The following CDH18 variants were observed in gnomAD, a reference collection of about 807,000 sequenced individuals.
CDH18 encodes the protein cadherin 18.
Under a neutral mutation model 67.9 loss-of-function variants are expected in CDH18, and 31 were observed. That is an observed-to-expected ratio of 0.46 (90% CI 0.34 to 0.62). The LOEUF (loss-of-function observed/expected upper bound fraction) is 0.62, where lower values mean the gene tolerates loss of function less well. CDH18 is among the 20% of genes least tolerant of loss of function. The pLI is 0.01. For missense variants in CDH18, 890 were observed against 975.5 expected (o/e 0.91, Z 1.17); for synonymous variants, 362 against 347.2 (o/e 1.04, Z -0.48).
intron 1 of CDH18, among the ~76,000 whole-genome samples, chr5:20,549,304 G>A (rs1162423440): frequency 6.6e-6 from 1 of 152,000 alleles, no homozygotes; most frequent in Admixed American, 6.6e-5. Context: ...CTTTCATATT[G>A]ACACATTCTA....
chr5:19,816,102 G>T (rs1779259671), intron 3 of CDH18, among the ~76,000 whole-genome samples: 1 of 151,778 alleles, frequency 6.6e-6, no homozygotes, highest in Non-Finnish European at 1.5e-5. Flanking sequence ...TTTTATTAAT[G>T]AACTATTTTT....
chr5:20,064,466 GT>G (rs777357508), intron 2 of CDH18, among the ~76,000 whole-genome samples: 76 of 152,076 alleles, frequency 5.0e-4, no homozygotes, highest in Non-Finnish European at 8.1e-4. Context: ...GTGGAATGAT[GT>G]GTTTCAACAA....
intron 2 of CDH18, among the ~76,000 whole-genome samples, chr5:19,915,246 T>C (rs1340155475): frequency 6.6e-6 from 1 of 152,162 alleles, no homozygotes; most frequent in African/African-American, 2.4e-5. Flanking sequence ...GTTTCTCAGT[T>C]GTCTTTCTTT....
chr5:19,843,422 A>T (rs1222370514), intron 2 of CDH18, among the ~76,000 whole-genome samples: 1 of 152,204 alleles, frequency 6.6e-6, no homozygotes, highest in Non-Finnish European at 1.5e-5. Context: ...GGGTGCACAG[A>T]AGTGAAGAAT....
At chr5:20,181,196 C>T (rs1019223958) in intron 2 of CDH18, among the ~76,000 whole-genome samples, 4 of 152,124 alleles carry the variant, frequency 2.6e-5, no homozygotes, top group African/African-American at 9.7e-5. Context: ...AGTATTCATA[C>T]ATTTCAGTTG....
At chr5:19,949,972 GAT>G (rs58811876) in intron 2 of CDH18, among the ~76,000 whole-genome samples, 85,320 of 148,634 alleles carry the variant, frequency 0.57, 24,576 homozygotes, top group Middle Eastern at 0.72. Context: ...AAGAAAATAT[GAT>G]ATATATATAT....
chr5:19,840,769 A>G (rs1782223647), intron 2 of CDH18, among the ~76,000 whole-genome samples: 2 of 152,186 alleles, frequency 1.3e-5, no homozygotes, highest in African/African-American at 4.8e-5. Flanking sequence ...TAAATTTTGC[A>G]TCAAGTTTTG....
intron 2 of CDH18, among the ~76,000 whole-genome samples, chr5:19,865,418 G>A (rs937718385): frequency 1.3e-5 from 2 of 152,042 alleles, no homozygotes; most frequent in Non-Finnish European, 2.9e-5. Context: ...TTTCAATATT[G>A]AATTATTCAA....
chr5:19,671,034 T>G (rs1360547512), intron 5 of CDH18, among the ~76,000 whole-genome samples: 2 of 152,146 alleles, frequency 1.3e-5, no homozygotes, highest in Admixed American at 1.3e-4. Context: ...TTTCAGTATT[T>G]GTATATATGT....
At chr5:20,256,953 CTAT>C (rs903301467) in intron 1 of CDH18, among the ~76,000 whole-genome samples, 3 of 135,712 alleles carry the variant, frequency 2.2e-5, no homozygotes, top group African/African-American at 7.6e-5. Context: ...ATCTATCTAT[CTAT>C]CTATCTAATC....
intron 2 of CDH18, among the ~76,000 whole-genome samples, chr5:20,146,997 G>A (rs192568485): frequency 7.2e-5 from 11 of 152,146 alleles, no homozygotes; most frequent in African/African-American, 2.6e-4. Flanking sequence ...TCAGAAGTAT[G>A]CCTACATGTT....
At chr5:19,585,208 T>A (rs1743965799) in intron 7 of CDH18, among the ~76,000 whole-genome samples, 1 of 152,140 alleles carries the variant, frequency 6.6e-6, no homozygotes, top group Admixed American at 6.6e-5. Flanking sequence ...AATTTTACCT[T>A]TGTTTTTCAG....
intron 7 of CDH18, among the ~76,000 whole-genome samples, chr5:19,576,254 T>A (rs558169494): frequency 6.6e-6 from 1 of 152,150 alleles, no homozygotes; most frequent in Admixed American, 6.5e-5. Flanking sequence ...GTGGGAATGA[T>A]CAAACTAAAG....
intron 1 of CDH18, among the ~76,000 whole-genome samples, chr5:20,411,614 C>A (rs1346767836): frequency 1.3e-5 from 2 of 150,398 alleles, no homozygotes; most frequent in Admixed American, 6.6e-5. Flanking sequence ...CTACATGACA[C>A]AAAGAAGCTT....
chr5:19,742,399 C>T (rs1000810515), intron 4 of CDH18, among the ~76,000 whole-genome samples: 4 of 137,222 alleles, frequency 2.9e-5, no homozygotes, highest in Admixed American at 7.5e-5. Context: ...CAAATGCACA[C>T]GCATGGGTAC....
chr5:20,542,956 C>T (rs1189462429), intron 1 of CDH18, among the ~76,000 whole-genome samples: 1 of 151,800 alleles, frequency 6.6e-6, no homozygotes, highest in Non-Finnish European at 1.5e-5. Context: ...AGCATGGAAA[C>T]TCTTTTGGTA....
At chr5:19,672,373 C>T (rs962598894) in intron 5 of CDH18, among the ~76,000 whole-genome samples, 3 of 152,046 alleles carry the variant, frequency 2.0e-5, no homozygotes, top group South Asian at 2.1e-4. Flanking sequence ...TGACTTAAAG[C>T]ACTTAGAAAA....
chr5:19,520,880 T>C, intron 9 of CDH18, 102 bp from the exon 10 acceptor site: 1 of 1,269,504 alleles, frequency 7.9e-7, no homozygotes, highest in South Asian at 1.4e-5. Context: ...TGGTTCCATA[T>C]GCCATAGCTG....
chr5:20,532,433 CT>C (rs1228657131), intron 1 of CDH18, among the ~76,000 whole-genome samples: 2 of 151,950 alleles, frequency 1.3e-5, no homozygotes, highest in Non-Finnish European at 1.5e-5. Flanking sequence ...CCAGAAATAT[CT>C]TTTTTTGTAC....
Sources: allele counts gnomAD v4.1 joint callset (sites outside exome capture counted in the v4.1 genomes callset), GRCh38; gene constraint gnomAD v4.1.1; transcripts MANE v1.5; gene names NCBI Gene and HGNC (gene_info 2026-07-23, HGNC 2026-07-21).